Variants in SLC37A2 observed in about 807,000 individuals in gnomAD.
SLC37A2 encodes the protein glucose-6-phosphate exchanger SLC37A2.
In SLC37A2, 59 loss-of-function variants were observed where a neutral mutation model predicts 70.7. The ratio of observed to expected loss-of-function variants is 0.83; its 90% CI spans 0.68 to 1.04. SLC37A2 has a LOEUF of 1.04. SLC37A2 is among the 50% of genes least tolerant of loss of function. SLC37A2 has a pLI of 0.00. For synonymous variants in SLC37A2, 257 were observed against 262.1 expected (o/e 0.98, Z 0.19); for missense variants, 580 against 658.1 (o/e 0.88, Z 1.30).
rs1011307843 is a variant in SLC37A2, at chr11:125,063,554, G to T, written c.59+128G>T. The T allele has an allele frequency of 1.8e-5, 15 of 839,320 alleles. No homozygotes were observed. In the South Asian group the frequency reaches 1.9e-4, roughly 11 times the overall value. 52.0% of individuals were successfully genotyped at this position (839,320 alleles called of 1,614,324 possible). On this transcript the variant is annotated intron_variant, in intron 1 of 17. Transcript: ENST00000403796. The surrounding 1 kb of genome is among the most constrained non-coding windows in gnomAD (Gnocchi z 5.4). ...GCCGCGTGGCCAGGGGTGCTGGGGG[G>T]ACTTGGTCCCGAGCTCCTCCAGCGG...
Position 125,066,161 on chromosome 11 carries a change from T to C in SLC37A2, c.59+2735T>C, listed in dbSNP as rs1334907459. Among the ~76,000 whole-genome samples the C allele has an allele frequency of 3.3e-5, 5 of 152,260 alleles. No individual in the cohort carries two copies. The East Asian group carries it at 5.8e-4, about 18-fold the overall frequency. On this transcript the variant is annotated intron_variant, in intron 1 of 17. Coordinates refer to ENST00000403796, the MANE Select transcript of SLC37A2 (RefSeq NM_001145290.2). The stretch of plus-strand genomic sequence containing the variant: ...CCACTAGTACGTTCTTAATGTTGTC[T>C]AAGTAGTTCCATCAGAAACTTATAT...
At chr11:125,088,029 C>T in intron 17 of SLC37A2, 90 bp from the exon 18 acceptor site, 10 of 1,426,582 alleles carry the variant, frequency 7.0e-6, no homozygotes, top group South Asian at 1.2e-5. Flanking sequence ...ATGAAGGGAC[C>T]CTGGGACCCT....
chr11:125,086,261 G>T, intron 17 of SLC37A2: 6 of 1,608,004 alleles, frequency 3.7e-6, no homozygotes, highest in South Asian at 1.1e-5. Context: ...CATGACTTTT[G>T]TGAGTATTTA....
At chr11:125,077,165 G>A in intron 2 of SLC37A2, 65 bp from the exon 3 acceptor site, 1 of 1,249,138 alleles carries the variant, frequency 8.0e-7, no homozygotes, top group Non-Finnish European at 1.1e-6. Context: ...AGTATGGTTG[G>A]GGCAGGTGGT....
intron 17 of SLC37A2, chr11:125,086,361 T>A: frequency 1.1e-6 from 1 of 939,360 alleles, no homozygotes; most frequent in Non-Finnish European, 1.8e-6. Flanking sequence ...TTTCTCTTTC[T>A]TCTTGTGGGC....
chr11:125,084,803 C>A, intron 12 of SLC37A2, 22 bp from the exon 13 acceptor site: 1 of 1,612,292 alleles, frequency 6.2e-7, no homozygotes, highest in Non-Finnish European at 8.5e-7. Context: ...GGTGACTCTG[C>A]CTCTCCCCTC....
rs771277756 is a variant in SLC37A2, at chr11:125,063,471, C to CGGGGCTTGCA, written c.59+51_59+60dup. ...GAGGCGTGCCGGGACCTCCTGGGCT[C>CGGGGCTTGCA]GGGGCTTGCAGGGGCCGCGGGGGGC... On this transcript the variant is annotated intron_variant, in intron 1 of 17. Coordinates refer to ENST00000403796, the MANE Select transcript of SLC37A2 (RefSeq NM_001145290.2). The surrounding 1 kb of genome is among the most constrained non-coding windows in gnomAD (Gnocchi z 5.4). 43 of 1,575,212 alleles carry CGGGGCTTGCA rather than the reference C, an allele frequency of 2.7e-5. No individual in the cohort carries two copies. Among genetic ancestry groups the CGGGGCTTGCA allele is most frequent in the Middle Eastern group, 1.8e-4 (1 of 5,532 alleles).
intron 1 of SLC37A2, among the ~76,000 whole-genome samples, chr11:125,072,667 T>G (rs190166209): frequency 6.6e-6 from 1 of 152,200 alleles, no homozygotes; most frequent in Non-Finnish European, 1.5e-5. Flanking sequence ...GTTCTAAACA[T>G]GGAAGGAGTG....
chr11:125,082,517 A>T (rs2135574078), intron 10 of SLC37A2, among the ~76,000 whole-genome samples, 183 bp downstream of exon 10: 1 of 152,236 alleles, frequency 6.6e-6, no homozygotes, highest in South Asian at 2.1e-4. Context: ...TAAACCCAGC[A>T]AACTACCCCC....
intron 4 of SLC37A2, among the ~76,000 whole-genome samples, chr11:125,078,826 G>T (rs1381306389): frequency 6.6e-6 from 1 of 151,980 alleles, no homozygotes; most frequent in Non-Finnish European, 1.5e-5. Context: ...CCTATGGGTG[G>T]TTGTGGCAAT....
chr11:125,075,578 G>A (rs1949075745), intron 1 of SLC37A2, among the ~76,000 whole-genome samples: 1 of 152,236 alleles, frequency 6.6e-6, no homozygotes, highest in African/African-American at 2.4e-5. Flanking sequence ...GCTGTGGAGG[G>A]GCAGGAGCAA....
Position 125,068,309 on chromosome 11 carries a change from G to A in SLC37A2, c.59+4883G>A, listed in dbSNP as rs561577457. Among the ~76,000 whole-genome samples, 19 of 152,326 alleles carry A rather than the reference G, an allele frequency of 1.2e-4. No individual in the cohort carries two copies. In the East Asian group the frequency reaches 2.5e-3, roughly 20 times the overall value. On this transcript the variant is annotated intron_variant, in intron 1 of 17. Transcript: ENST00000403796. Reference sequence around the variant, plus strand: ...TATAAGGAAACATTCTTGACGTCTTGTGGCTGCTGGAGGGTACTCAACAGG... The same window carrying A: ...TATAAGGAAACATTCTTGACGTCTTATGGCTGCTGGAGGGTACTCAACAGG...
At position 125,080,405 on chromosome 11, in the gene SLC37A2, G is replaced by C. The variant is rs1949133638; in HGVS notation, c.528-209G>C. Among the ~76,000 whole-genome samples, 1 of 152,270 alleles carries C rather than the reference G, an allele frequency of 6.6e-6. No individual in the cohort carries two copies. Among genetic ancestry groups the C allele is most frequent in the African/African-American group, 2.4e-5 (1 of 41,554 alleles). ...GGCACTCACTCAGGGAGCTGGGCAG[G>C]CGGAGCGAGACCACAGGCCCTGCAG... On this transcript the variant is annotated intron_variant, in intron 6 of 17. Coordinates refer to ENST00000403796, the MANE Select transcript of SLC37A2 (RefSeq NM_001145290.2). This position sits in a 1 kb window ranked among gnomAD's most constrained non-coding sequence, Gnocchi z 4.3.
Position 125,083,706 on chromosome 11 carries a change from G to A in SLC37A2, c.977-109G>A, listed in dbSNP as rs569962971. The A allele has an allele frequency of 2.8e-5, 28 of 1,002,438 alleles. No homozygotes were observed. Among genetic ancestry groups the A allele is most frequent in the Admixed American group, 2.0e-4 (11 of 54,372 alleles). 62.1% of individuals were successfully genotyped at this position (1,002,438 alleles called of 1,614,324 possible). On this transcript the variant is annotated intron_variant, in intron 10 of 17. Transcript: ENST00000403796. The surrounding 1 kb of genome is among the most constrained non-coding windows in gnomAD (Gnocchi z 4.6). ...CTCCACAGGTCCCCAGCTCTTCCTC[G>A]GAAAAGGGGGCAGTGGTCTGGATCA... is the stretch of plus-strand genomic sequence containing the variant.
Position 125,085,415 on chromosome 11 carries a change from G to C in SLC37A2, c.1269G>C (p.Lys423Asn). 2 of 1,613,920 alleles carry C rather than the reference G, an allele frequency of 1.2e-6. No individual in the cohort carries two copies. The highest frequency in any genetic ancestry group is 1.7e-6 in the Non-Finnish European group (2 of 1,179,958). The part of the protein sequence containing the change: ...SADLGTHKSL[K>N]GNAKALSTVT... ...TCCAGGGGACTCACAAGAGCCTGAAGGGCAACGCCAAAGCCCTGTCCACGG... is the reference window on the plus strand; with the variant it reads ...TCCAGGGGACTCACAAGAGCCTGAACGGCAACGCCAAAGCCCTGTCCACGG... Residue 423 changes from lysine (K) to asparagine (N), a missense_variant, in exon 15 of 18, where the codon AAG (lysine) becomes AAC (asparagine). Transcript: ENST00000403796.
Position 125,083,761 on chromosome 11 carries a change from C to A in SLC37A2, c.977-54C>A. 1 of 1,505,226 alleles carries A rather than the reference C, an allele frequency of 6.6e-7. No individual in the cohort carries two copies. The highest frequency in any genetic ancestry group is 1.1e-5 in the South Asian group (1 of 88,962). The allele number at this position is 1,505,226 out of a possible 1,614,324, so 93.2% of individuals were successfully genotyped here. ...CTGCAGGGCTTCTAGCTGTGACACT[C>A]CAGGATGTTTGCCCCAAACCCCAGG... On this transcript the variant is annotated intron_variant, in intron 10 of 17. Coordinates refer to ENST00000403796, the MANE Select transcript of SLC37A2 (RefSeq NM_001145290.2). This position sits in a 1 kb window ranked among gnomAD's most constrained non-coding sequence, Gnocchi z 4.6.
At chr11:125,084,921 C>G in intron 13 of SLC37A2, 48 bp downstream of exon 13, 1 of 1,610,926 alleles carries the variant, frequency 6.2e-7, no homozygotes. Flanking sequence ...AAGGCACTGC[C>G]TTGGGGGCCC....
In SLC37A2 at chr11:125,079,773, A is replaced by C; in HGVS notation, c.527+13A>C. 1 of 1,596,638 alleles carries C rather than the reference A, an allele frequency of 6.3e-7. No individual in the cohort carries two copies. On this transcript the variant is annotated intron_variant, in intron 6 of 17. Coordinates refer to ENST00000403796, the MANE Select transcript of SLC37A2 (RefSeq NM_001145290.2). ...TCGGGAAGGGGAAGTGAGTGTAACAAGGGAGGAGGAGTGGGAAGGATTGGG... is the reference window on the plus strand; with the variant it reads ...TCGGGAAGGGGAAGTGAGTGTAACACGGGAGGAGGAGTGGGAAGGATTGGG...
Position 125,077,339 on chromosome 11 carries a change from G to T in SLC37A2, c.235+16G>T. On this transcript the variant is annotated intron_variant, in intron 3 of 17. Transcript: ENST00000403796. Reference sequence around the variant, plus strand: ...GCCCCATTTGGTAAGAACAGGGCAAGTTGCTCTTCCCATTCCCCATTCCCT... The same window carrying T: ...GCCCCATTTGGTAAGAACAGGGCAATTTGCTCTTCCCATTCCCCATTCCCT... 1 of 1,596,124 alleles carries T rather than the reference G, an allele frequency of 6.3e-7. No homozygotes were observed. Among genetic ancestry groups the T allele is most frequent in the East Asian group, 2.2e-5 (1 of 44,806 alleles).
Sources: gnomAD v4.1 joint callset for allele counts (sites outside exome capture counted in the v4.1 genomes callset) on GRCh38, gnomAD v4.1.1 for gene constraint, Gnocchi (gnomAD v3.1) non-coding constraint, MANE v1.5 for transcripts, NCBI Gene and HGNC (gene_info 2026-07-23, HGNC 2026-07-21) for gene names.